CCSER1: variants seen among roughly 807,000 people sequenced by gnomAD.
CCSER1 encodes the protein serine-rich coiled-coil domain-containing protein 1.
In CCSER1, 41 loss-of-function variants were observed where a neutral mutation model predicts 82.0. The observed-to-expected ratio is 0.50, with a 90% CI of 0.39 to 0.65. The LOEUF is 0.65. Among genes scored for constraint, CCSER1 ranks in the 30% least tolerant of loss-of-function variants. CCSER1 has a pLI of 0.00. For missense variants in CCSER1, 1,119 were observed against 1,064.2 expected, an observed-to-expected ratio of 1.05 and a Z score of -0.72; for synonymous variants, 414 against 383.9, an observed-to-expected ratio of 1.08 and a Z score of -0.92.
chr4:91,377,823 C>A (rs1193582109), intron 10 of CCSER1, among the ~76,000 whole-genome samples: 1 of 152,106 alleles, frequency 6.6e-6, no homozygotes, highest in African/African-American at 2.4e-5. Context: ...AAGTCCTTGC[C>A]CATGCCTATG....
intron 9 of CCSER1, among the ~76,000 whole-genome samples, chr4:90,987,910 T>G (rs1736702166): frequency 6.6e-6 from 1 of 151,790 alleles, no homozygotes. Flanking sequence ...GTTTGAAATA[T>G]TCAGGTTTTA....
chr4:91,407,245 G>C (rs1389185695), intron 10 of CCSER1, among the ~76,000 whole-genome samples: 1 of 152,128 alleles, frequency 6.6e-6, no homozygotes, highest in East Asian at 1.9e-4. Flanking sequence ...AATCATTAAA[G>C]CTCTCAAAGA....
chr4:91,042,929 C>T (rs1742101584), intron 9 of CCSER1, among the ~76,000 whole-genome samples: 1 of 152,152 alleles, frequency 6.6e-6, no homozygotes, highest in Non-Finnish European at 1.5e-5. Context: ...ACCAAACCAT[C>T]TGGTTTTGCC....
At position 91,600,308 on chromosome 4, in the gene CCSER1, G is replaced by C. The variant is rs1764765563; in HGVS notation, c.*1251G>C. On this transcript the variant is annotated 3_prime_UTR_variant, in exon 11 of 11. Transcript: ENST00000509176. The stretch of plus-strand genomic sequence containing the variant: ...ATTCCATCATGTTCAATTAGTAGCA[G>C]AGCAGAATCAAAGAGTACAATTGAA... The C allele has an allele frequency of 2.0e-5, 3 of 152,110 alleles. No homozygotes were observed. In the South Asian group the frequency reaches 6.2e-4, roughly 31 times the overall value. 9.4% of individuals were successfully genotyped at this position (152,110 alleles called of 1,614,324 possible). A position where few individuals can be genotyped will look rare whatever the true frequency, so the allele number is the denominator to read the frequency against.
intron 1 of CCSER1, among the ~76,000 whole-genome samples, chr4:90,294,704 A>T (rs1023252019): frequency 1.3e-5 from 2 of 152,014 alleles, no homozygotes; most frequent in East Asian, 1.9e-4. Context: ...TAAAGTCTTA[A>T]ATATAAAAGT....
intron 10 of CCSER1, among the ~76,000 whole-genome samples, chr4:91,562,138 C>T (rs1356394678): frequency 6.6e-6 from 1 of 151,316 alleles, no homozygotes; most frequent in Non-Finnish European, 1.5e-5. Flanking sequence ...TCACATTTTA[C>T]CAAAGTTATT....
At chr4:91,415,522 C>T (rs967666118) in intron 10 of CCSER1, among the ~76,000 whole-genome samples, 3 of 152,080 alleles carry the variant, frequency 2.0e-5, no homozygotes, top group African/African-American at 4.8e-5. Flanking sequence ...AGCTTTTGCC[C>T]ATTCTGTATG....
rs566145350 is a variant in CCSER1 at position 90,166,449 on chromosome 4, C to T, written c.-42+38618C>T. On this transcript the variant is annotated intron_variant, in intron 1 of 10. Coordinates refer to ENST00000509176, the MANE Select transcript of CCSER1 (RefSeq NM_001145065.2). ...CTTAGATAAGACAGTATACCATATA[C>T]TTGACATAATTTTTTTTGGAAATAG... Among the ~76,000 whole-genome samples the T allele has an allele frequency of 2.6e-5, 4 of 151,924 alleles. No individual in the cohort carries two copies. The South Asian group carries it at 6.2e-4, about 24-fold the overall frequency.
At chr4:90,308,147 T>C in intron 1 of CCSER1, 97 bp from the exon 2 acceptor site, 1 of 937,864 alleles carries the variant, frequency 1.1e-6, no homozygotes, top group Non-Finnish European at 1.5e-6. Flanking sequence ...ATAAACTAAA[T>C]TCTATTTTGT....
Position 91,538,757 on chromosome 4 carries a change from T to C in CCSER1, c.2218-59815T>C, listed in dbSNP as rs865926131. Among the ~76,000 whole-genome samples the C allele has an allele frequency of 5.2e-5, 7 of 134,306 alleles. No homozygotes were observed. In the South Asian group the frequency reaches 7.6e-4, roughly 15 times the overall value. 88.1% of individuals were successfully genotyped at this position (134,306 alleles called of 152,430 possible). ...TTGTAGATTCTATCATTTTTTCCTC[T>C]GTGGAACTGTTGTGGAGACAAATTG... On this transcript the variant is annotated intron_variant, in intron 10 of 10. Transcript: ENST00000509176.
chr4:90,550,424 A>T (rs1367541210), intron 5 of CCSER1, among the ~76,000 whole-genome samples: 3 of 152,152 alleles, frequency 2.0e-5, no homozygotes, highest in African/African-American at 7.2e-5. Context: ...TTGAGATTCT[A>T]TAGTATTGTT....
chr4:90,996,623 T>C (rs1737518373), intron 9 of CCSER1, among the ~76,000 whole-genome samples: 1 of 152,128 alleles, frequency 6.6e-6, no homozygotes, highest in Admixed American at 6.6e-5. Context: ...CTTTTAATCA[T>C]TTACCAAATT....
intron 3 of CCSER1, among the ~76,000 whole-genome samples, chr4:90,348,087 G>A (rs1056700727): frequency 9.2e-5 from 14 of 152,200 alleles, no homozygotes; most frequent in Non-Finnish European, 1.8e-4. Flanking sequence ...GACACATGGA[G>A]GGGAACAACA....
At chr4:91,322,644 G>T (rs1223063858) in intron 10 of CCSER1, among the ~76,000 whole-genome samples, 2 of 151,864 alleles carry the variant, frequency 1.3e-5, no homozygotes, top group Admixed American at 1.3e-4. Context: ...TAAATTAAGG[G>T]GAAACATGAA....
intron 6 of CCSER1, among the ~76,000 whole-genome samples, chr4:90,652,451 G>C (rs1018372561): frequency 6.6e-6 from 1 of 152,070 alleles, no homozygotes; most frequent in African/African-American, 2.4e-5. Context: ...GAGAATCAGT[G>C]GTCTGTTTGC....
intron 5 of CCSER1, among the ~76,000 whole-genome samples, chr4:90,586,183 G>C (rs1279330312): frequency 6.6e-6 from 1 of 152,060 alleles, no homozygotes; most frequent in Admixed American, 6.6e-5. Context: ...ATGAGAGCAC[G>C]AATTCTATTG....
intron 4 of CCSER1, among the ~76,000 whole-genome samples, chr4:90,405,873 G>A: frequency 6.6e-6 from 1 of 151,704 alleles, no homozygotes; most frequent in African/African-American, 2.4e-5. Context: ...TCTAAATCTT[G>A]AAACAAATTT....
chr4:90,791,789 T>C (rs1755281741), intron 7 of CCSER1, among the ~76,000 whole-genome samples: 1 of 149,430 alleles, frequency 6.7e-6, no homozygotes, highest in South Asian at 2.1e-4. Flanking sequence ...GCCACTGCAC[T>C]GCAGCCTGGG....
At chr4:91,248,063 A>G (rs760344064) in intron 10 of CCSER1, among the ~76,000 whole-genome samples, 6 of 152,146 alleles carry the variant, frequency 3.9e-5, no homozygotes, top group Non-Finnish European at 8.8e-5. Context: ...ACAAAACAAC[A>G]CACATATTGT....
Sources: gnomAD v4.1 joint callset for allele counts (sites outside exome capture counted in the v4.1 genomes callset) on GRCh38, gnomAD v4.1.1 for gene constraint, MANE v1.5 for transcripts, NCBI Gene and HGNC (gene_info 2026-07-23, HGNC 2026-07-21) for gene names.